Variants in STIL observed in about 807,000 individuals in gnomAD.
STIL encodes the protein SCL-interrupting locus protein.
STIL carries 55 observed loss-of-function variants against 110.1 expected under a neutral mutation model. That is an observed-to-expected ratio of 0.50 (90% CI 0.40 to 0.63). The LOEUF (loss-of-function observed/expected upper bound fraction) is 0.63, where lower values mean the gene tolerates loss of function less well. Ranked by LOEUF, STIL falls within the 20% of genes least tolerant of loss-of-function variation. STIL has a pLI of 0.00. For synonymous variants in STIL, 481 were observed against 530.0 expected (o/e 0.91, Z 1.27); for missense variants, 1,358 against 1,530.0 (o/e 0.89, Z 1.87).
At chr1:47,268,191 A>G (rs1339747290) in intron 14 of STIL, among the ~76,000 whole-genome samples, 2 of 152,210 alleles carry the variant, frequency 1.3e-5, no homozygotes, top group African/African-American at 2.4e-5. Context: ...TCATGCCTAT[A>G]ATCCCAGCAC....
chr1:47,290,511 C>T (rs2149082876), intron 8 of STIL, among the ~76,000 whole-genome samples: 1 of 152,184 alleles, frequency 6.6e-6, no homozygotes, highest in South Asian at 2.1e-4. Context: ...CGAGACCATC[C>T]TGGCTACCAC....
chr1:47,293,591 T>G, intron 7 of STIL, 47 bp from the exon 8 acceptor site: 1 of 1,424,516 alleles, frequency 7.0e-7, no homozygotes. Flanking sequence ...CTTACATATA[T>G]AGCATAATTT....
At position 47,310,497 on chromosome 1, in the gene STIL, G is replaced by A. The variant is rs1373973465; in HGVS notation, c.-43-135C>T. On this transcript the variant is annotated intron_variant, in intron 1 of 16. Coordinates refer to ENST00000371877, the MANE Select transcript of STIL (RefSeq NM_001048166.1). ...TGACTATAGATTAATAAGATTAAAT[G>A]CTTGTAGATTCTGCCAATCATTTTC... 8 of 561,916 alleles carry A rather than the reference G, an allele frequency of 1.4e-5. No homozygotes were observed. The East Asian group carries it at 1.8e-4, about 13-fold the overall frequency. 34.8% of individuals were successfully genotyped at this position (561,916 alleles called of 1,614,324 possible).
At chr1:47,301,454 C>T in intron 5 of STIL, 107 bp downstream of exon 5, 1 of 1,281,844 alleles carries the variant, frequency 7.8e-7, no homozygotes, top group South Asian at 1.2e-5. Flanking sequence ...ATAATTCAAC[C>T]AAATTATTGT....
chr1:47,277,135 A>G (rs556810881), intron 12 of STIL, among the ~76,000 whole-genome samples: 46 of 152,314 alleles, frequency 3.0e-4, no homozygotes, highest in Non-Finnish European at 4.7e-4. Flanking sequence ...AAACGTGATT[A>G]AGGGCCTGAA....
In STIL at chr1:47,265,260, A is replaced by AAAAC. The variant is rs1553170532; in HGVS notation, c.2616-2145_2616-2144insGTTT. 1.7e-4 allele frequency among the ~76,000 whole-genome samples: 25 copies of AAAAC among 148,408 alleles called. 1 individual carries two copies. Among genetic ancestry groups the AAAAC allele is most frequent in the African/African-American group, 2.2e-4 (9 of 40,168 alleles). ...CCCAAAAAAAAAAAAAAAAAAAAAA[A>AAAAC]CACAAGATTGGATATTTTTTAAAAT... is the stretch of plus-strand genomic sequence containing the variant. On this transcript the variant is annotated intron_variant, in intron 14 of 16. Transcript: ENST00000371877.
intron 6 of STIL, among the ~76,000 whole-genome samples, chr1:47,299,589 C>G (rs1255117102): frequency 1.3e-5 from 2 of 151,988 alleles, no homozygotes; most frequent in Non-Finnish European, 2.9e-5. Context: ...GATGGGGTTT[C>G]ACCATGTTGG....
intron 14 of STIL, among the ~76,000 whole-genome samples, chr1:47,268,990 G>A (rs367953976): frequency 9.4e-6 from 1 of 106,664 alleles, no homozygotes; most frequent in Non-Finnish European, 2.3e-5. Context: ...CCAGCTACAC[G>A]GGAGGCAGGA....
intron 12 of STIL, among the ~76,000 whole-genome samples, chr1:47,277,428 C>T (rs1003536994): frequency 1.1e-4 from 17 of 151,948 alleles, no homozygotes; most frequent in Middle Eastern, 3.2e-3. Context: ...GGATTTTAAG[C>T]AAGAGTGCTA....
At chr1:47,273,825 ATAAG>A (rs1307961676) in intron 12 of STIL, among the ~76,000 whole-genome samples, 1 of 152,222 alleles carries the variant, frequency 6.6e-6, no homozygotes, top group Non-Finnish European at 1.5e-5. Flanking sequence ...ATATAGGAAA[ATAAG>A]TATCATCAAT....
In STIL at chr1:47,287,472, T is replaced by C. The variant is rs373911698; in HGVS notation, c.1133+79A>G. 17 of 880,808 alleles carry C rather than the reference T, an allele frequency of 1.9e-5. No individual in the cohort carries two copies. The South Asian group carries it at 2.0e-4, about 10-fold the overall frequency. The allele number at this position is 880,808 out of a possible 1,614,324, so 54.6% of individuals were successfully genotyped here. A position where few individuals can be genotyped will look rare whatever the true frequency, so the allele number is the denominator to read the frequency against. On this transcript the variant is annotated intron_variant, in intron 10 of 16. Coordinates refer to ENST00000371877, the MANE Select transcript of STIL (RefSeq NM_001048166.1). The stretch of plus-strand genomic sequence containing the variant: ...TAAAAAATCATTTCATCAGAAATAA[T>C]TTAGTTATTTTACTCACCAAAAACT...
chr1:47,275,634 T>C (rs930758702), intron 12 of STIL, among the ~76,000 whole-genome samples: 2 of 151,872 alleles, frequency 1.3e-5, no homozygotes. Flanking sequence ...AATAAGATTT[T>C]TTTTTTTTAA....
rs1644453843 is a variant in STIL at position 47,260,506 on chromosome 1, T to C, written c.2863A>G (p.Lys955Glu). The change falls in exon 16 of 17, where the codon AAG becomes GAG. Residue 955 changes from lysine (K) to glutamate (E), a missense_variant. Transcript: ENST00000371877. ...QVNHLLNSSSKETEQPSTKAV... is the reference protein window; with the variant it reads ...QVNHLLNSSSEETEQPSTKAV... ...TTGGTAGACGGCTGCTCAGTTTCCT[T>C]GGAGGAACTATTTAATAGGTGGTTT... 2 of 1,614,066 alleles carry C rather than the reference T, an allele frequency of 1.2e-6. No homozygotes were observed. The highest frequency in any genetic ancestry group is 1.7e-5 in the Admixed American group (1 of 60,002).
At chr1:47,289,913 G>A (rs1032073459) in intron 8 of STIL, among the ~76,000 whole-genome samples, 1 of 143,858 alleles carries the variant, frequency 7.0e-6, no homozygotes, top group Non-Finnish European at 1.5e-5. Context: ...ACTCCAGCCT[G>A]GGCGACAGAG....
intron 10 of STIL, chr1:47,283,443 C>T (rs958131055): frequency 3.9e-5 from 6 of 152,240 alleles, no homozygotes; most frequent in African/African-American, 1.4e-4. Flanking sequence ...GCTTGAGATA[C>T]ATAATGATAT....
rs751995015 is a variant in STIL at position 47,251,102 on chromosome 1, T to C, written c.*34A>G. The C allele has an allele frequency of 6.3e-7, 1 of 1,597,426 alleles. No homozygotes were observed. Among genetic ancestry groups the C allele is most frequent in the Non-Finnish European group, 8.6e-7 (1 of 1,168,436 alleles). ...CCCTAAGTATCTTCAGGAGACACCC[T>C]GTCCCTGTATTAAAAGGGCAGGGAG... is the stretch of plus-strand genomic sequence containing the variant. On this transcript the variant is annotated 3_prime_UTR_variant, in exon 17 of 17. Coordinates refer to ENST00000371877, the MANE Select transcript of STIL (RefSeq NM_001048166.1).
chr1:47,300,250 T>G (rs376602793), intron 5 of STIL, 98 bp from the exon 6 acceptor site: 1 of 1,194,056 alleles, frequency 8.4e-7, no homozygotes, highest in South Asian at 1.5e-5. Context: ...TATAATATCT[T>G]GCACAAATAA....
intron 12 of STIL, among the ~76,000 whole-genome samples, chr1:47,277,329 C>G (rs1352889109): frequency 1.3e-5 from 2 of 152,054 alleles, no homozygotes; most frequent in Non-Finnish European, 2.9e-5. Context: ...GATGAGTTTG[C>G]AGAGAAAGAC....
chr1:47,312,268 A>G (rs1044673378), intron 1 of STIL, among the ~76,000 whole-genome samples: 1 of 152,118 alleles, frequency 6.6e-6, no homozygotes, highest in Non-Finnish European at 1.5e-5. Context: ...AGGTGGGTGG[A>G]TCACGAGGTC....
Sources: allele counts gnomAD v4.1 joint callset (sites outside exome capture counted in the v4.1 genomes callset), GRCh38; gene constraint gnomAD v4.1.1; transcripts MANE v1.5; gene names NCBI Gene and HGNC (gene_info 2026-07-23, HGNC 2026-07-21).